The following TUBB8 variants were observed in gnomAD, a reference collection of about 807,000 sequenced individuals.
The protein encoded by TUBB8 is tubulin beta-8 chain.
TUBB8 carries 25 observed loss-of-function variants against 33.7 expected under a neutral mutation model. The observed-to-expected ratio is 0.74, with a 90% CI of 0.54 to 1.04. TUBB8 has a LOEUF of 1.04. TUBB8 is among the 50% of genes least tolerant of loss of function. The probability of loss-of-function intolerance (pLI) is 0.00; values close to 1 mark genes in which losing one functional copy is unlikely to be tolerated. For missense variants in TUBB8, 279 were observed against 608.0 expected (o/e 0.46, Z 5.69); for synonymous variants, 245 against 240.1 (o/e 1.02, Z -0.19).
At chr10:48,180 T>A in intron 3 of TUBB8, 66 bp from the exon 4 acceptor site, 1 of 1,072,184 alleles carries the variant, frequency 9.3e-7, no homozygotes, top group South Asian at 1.3e-5. Flanking sequence ...ACCACCATAA[T>A]GCAGAAAGAG....
intron 1 of TUBB8, among the ~76,000 whole-genome samples, chr10:69,063 C>T (rs138296696): frequency 1.1e-4 from 16 of 152,206 alleles, no homozygotes; most frequent in East Asian, 5.8e-4. Flanking sequence ...TCCCCCTGCC[C>T]GCAACTGGTG....
chr10:70,651 C>A (rs1424806420), intron 1 of TUBB8, among the ~76,000 whole-genome samples: 1 of 151,838 alleles, frequency 6.6e-6, no homozygotes, highest in Non-Finnish European at 1.5e-5. Context: ...AACGGCATGG[C>A]CAACATGGCA....
chr10:46,691 C>T (rs2131808083), downstream of TUBB8, among the ~76,000 whole-genome samples: 1 of 152,162 alleles, frequency 6.6e-6, no homozygotes, highest in South Asian at 2.1e-4. Flanking sequence ...CACGTCACTG[C>T]CCAAGGCCCA....
Position 47,751 on chromosome 10 carries a change from G to C in TUBB8, c.641C>G (p.Thr214Ser), listed in dbSNP as rs782312790. ...NEALYDICSK[T>S]LKLPTPTYGD... ...ATAGGTGGGTGTGGGCAGTTTTAGGGTCTTGGAACATATGTCATACAGAGC... is the reference window on the plus strand; with the variant it reads ...ATAGGTGGGTGTGGGCAGTTTTAGGCTCTTGGAACATATGTCATACAGAGC... Residue 214 changes from threonine to serine, a missense_variant, in exon 4 of 4, where the codon ACC (threonine) becomes AGC (serine). This residue lies in a region of TUBB8 where 96 missense variants were observed against 233.7 expected (regional missense o/e 0.41). Coordinates refer to ENST00000568584, the MANE Select transcript of TUBB8 (RefSeq NM_177987.3). The C allele has an allele frequency of 6.2e-7, 1 of 1,613,726 alleles. No homozygotes were observed. Among genetic ancestry groups the C allele is most frequent in the Non-Finnish European group, 8.5e-7 (1 of 1,180,038 alleles).
At chr10:49,694 A>G (rs1463253300), upstream of TUBB8, 2 of 417,504 alleles carry the variant, frequency 4.8e-6, no homozygotes, top group African/African-American at 4.1e-5. Context: ...GGCCTTCCAC[A>G]TGTGAACTCA....
At chr10:59,291 C>T (rs541972517) in intron 1 of TUBB8, among the ~76,000 whole-genome samples, 6 of 152,218 alleles carry the variant, frequency 3.9e-5, no homozygotes, top group Admixed American at 1.3e-4. Context: ...CGGGTTCAAG[C>T]GATTCTCCTG....
At chr10:56,170 C>T (rs577269836) in intron 1 of TUBB8, among the ~76,000 whole-genome samples, 282 of 152,292 alleles carry the variant, frequency 1.9e-3, no homozygotes, top group Middle Eastern at 6.8e-3. Context: ...CAGTGTTTTA[C>T]GTTTTTAATT....
chr10:62,295 A>C (rs1554740994), intron 1 of TUBB8, among the ~76,000 whole-genome samples: 1 of 152,270 alleles, frequency 6.6e-6, no homozygotes, highest in African/African-American at 2.4e-5. Flanking sequence ...TGAGGCTTGA[A>C]TATAATATCT....
At chr10:76,132 TCC>T (rs1353443132), upstream of TUBB8, among the ~76,000 whole-genome samples, 36 of 77,448 alleles carry the variant, frequency 4.6e-4, no homozygotes, top group African/African-American at 1.6e-3. Context: ...GAAGCGAAAC[TCC>T]GTCTCAAAAA....
At chr10:56,758 G>A (rs2130939710) in intron 1 of TUBB8, among the ~76,000 whole-genome samples, 1 of 152,228 alleles carries the variant, frequency 6.6e-6, no homozygotes, top group Non-Finnish European at 1.5e-5. Flanking sequence ...TAAGATTTTG[G>A]TGGGAACACA....
At chr10:54,991 C>T (rs1289989037) in intron 1 of TUBB8, among the ~76,000 whole-genome samples, 6 of 152,156 alleles carry the variant, frequency 3.9e-5, no homozygotes, top group East Asian at 3.9e-4. Flanking sequence ...CTCCTGACCT[C>T]GTGATCCACC....
In TUBB8 at chr10:47,188, C is replaced by T. The variant is rs1360990428; in HGVS notation, c.1204G>A (p.Gly402Ser). 6.2e-6 allele frequency: 10 copies of T among 1,611,648 alleles called. No individual in the cohort carries two copies. Among genetic ancestry groups the T allele is most frequent in the African/African-American group, 1.3e-5 (1 of 74,766 alleles). Residue 402 changes from glycine to serine, a missense_variant, in exon 4 of 4, where the codon GGC (glycine) becomes AGC (serine). Transcript: ENST00000568584. Reference protein sequence around the residue: ...KAFLHWYTGEGMDEMEFTEAE... With the variant: ...KAFLHWYTGESMDEMEFTEAE... Reference sequence around the variant, plus strand: ...TCGGTGAATTCCATCTCATCCATGCCCTCGCCCGTGTACCAGTGGAGGAAG... The same window carrying T: ...TCGGTGAATTCCATCTCATCCATGCTCTCGCCCGTGTACCAGTGGAGGAAG...
At chr10:74,438 C>G (rs1371380034), upstream of TUBB8, among the ~76,000 whole-genome samples, 2 of 149,764 alleles carry the variant, frequency 1.3e-5, no homozygotes, top group South Asian at 2.1e-4. Context: ...ACCATTCTGG[C>G]CAACATGGTA....
At chr10:55,267 A>G (rs1189796213) in intron 1 of TUBB8, among the ~76,000 whole-genome samples, 2 of 152,184 alleles carry the variant, frequency 1.3e-5, no homozygotes, top group East Asian at 3.9e-4. Context: ...CAGAAGAACA[A>G]CCTGGAGGGA....
Position 56,509 on chromosome 10 carries a change from C to A in TUBB8, c.-845-6276G>T, listed in dbSNP as rs529689869. On this transcript the variant is annotated intron_variant, in intron 1 of 3. Transcript: ENST00000564130. ...GCACTGGCTTCTGCTTCTGGTGAAG[C>A]CTCTGACAACTGACAATCAAGGTGA... Among the ~76,000 whole-genome samples, 15 of 152,324 alleles carry A rather than the reference C, an allele frequency of 9.8e-5. No individual in the cohort carries two copies. The East Asian group carries it at 2.9e-3, about 29-fold the overall frequency.
intron 1 of TUBB8, among the ~76,000 whole-genome samples, chr10:62,049 C>T (rs557476334): frequency 6.6e-6 from 1 of 152,000 alleles, no homozygotes; most frequent in African/African-American, 2.4e-5. Context: ...ATCCATTCAT[C>T]CACTATTTGT....
chr10:55,143 G>A (rs12255682), intron 1 of TUBB8, among the ~76,000 whole-genome samples: 15,866 of 115,576 alleles, frequency 0.14, no homozygotes, highest in African/African-American at 0.25. Context: ...CAGTCATGGC[G>A]GACGAGGAAG....
upstream of TUBB8, chr10:49,807 G>C: frequency 2.9e-6 from 1 of 348,754 alleles, no homozygotes; most frequent in Non-Finnish European, 5.6e-6. Context: ...GTCTTCTTTA[G>C]AGTAGGGTTA....
intron 1 of TUBB8, among the ~76,000 whole-genome samples, chr10:70,075 G>A (rs1469685848): frequency 1.3e-5 from 2 of 152,140 alleles, no homozygotes; most frequent in African/African-American, 4.8e-5. Flanking sequence ...TTCTATTACT[G>A]GAGAGCCAAG....
Sources: gnomAD v4.1 joint callset for allele counts (sites outside exome capture counted in the v4.1 genomes callset) on GRCh38, gnomAD v4.1.1 for gene constraint, gnomAD v4.1.1 regional missense constraint, MANE v1.5 for transcripts, NCBI Gene and HGNC (gene_info 2026-07-23, HGNC 2026-07-21) for gene names.